Variants in SPIRE1 observed in about 807,000 individuals in gnomAD.
The protein encoded by SPIRE1 is spire type actin nucleation factor 1, also known as protein spire homolog 1.
SPIRE1 carries 40 observed loss-of-function variants against 94.1 expected under a neutral mutation model. That is an observed-to-expected ratio of 0.43 (90% confidence interval 0.33 to 0.55). The LOEUF is 0.55. Ranked by LOEUF, SPIRE1 falls within the 20% of genes least tolerant of loss-of-function variation. The pLI is 0.06. For synonymous variants in SPIRE1, 376 were observed against 371.7 expected, an observed-to-expected ratio of 1.01 and a Z score of -0.13; for missense variants, 838 against 975.2, an observed-to-expected ratio of 0.86 and a Z score of 1.87.
intron 2 of SPIRE1, among the ~76,000 whole-genome samples, chr18:12,618,257 A>G (rs2037368876): frequency 1.3e-5 from 2 of 151,988 alleles, no homozygotes; most frequent in African/African-American, 2.4e-5. Context: ...ACCTGCCACT[A>G]TGCCCGGCTA....
chr18:12,506,528 C>T lies in SPIRE1; in HGVS notation c.921G>A (p.Glu307=), dbSNP rs1414849465. The T allele has an allele frequency of 5.0e-6, 8 of 1,614,028 alleles. No homozygotes were observed. The highest frequency in any genetic ancestry group is 5.1e-6 in the Non-Finnish European group (6 of 1,179,930). Reference sequence around the variant, plus strand: ...TGCAGCGAATGTCATCCATTAACATCTCATAAGGGGTGAGCTGATATTCAA... The same window carrying T: ...TGCAGCGAATGTCATCCATTAACATTTCATAAGGGGTGAGCTGATATTCAA... ...LPIEYQLTPY[E]MLMDDIRCKR... The change falls in exon 6 of 17, where the codon GAG becomes GAA. Residue 307 remains glutamate, a synonymous_variant. Transcript: ENST00000409402.
chr18:12,552,640 G>A (rs2035385077), intron 2 of SPIRE1, among the ~76,000 whole-genome samples: 1 of 152,068 alleles, frequency 6.6e-6, no homozygotes, highest in South Asian at 2.1e-4. Context: ...CATAAAAAAA[G>A]CACTGTGAAG....
At chr18:12,577,877 T>C (rs1387674081) in intron 2 of SPIRE1, among the ~76,000 whole-genome samples, 2 of 151,992 alleles carry the variant, frequency 1.3e-5, no homozygotes, top group Non-Finnish European at 2.9e-5. Context: ...AGATAAACAA[T>C]CCAATAAAAA....
At chr18:12,604,913 G>A (rs1005276477) in intron 2 of SPIRE1, among the ~76,000 whole-genome samples, 2 of 152,128 alleles carry the variant, frequency 1.3e-5, no homozygotes, top group South Asian at 2.1e-4. Context: ...ATATGATCCA[G>A]CCTTCAAAAA....
intron 12 of SPIRE1, among the ~76,000 whole-genome samples, chr18:12,456,033 T>C (rs1390235481): frequency 6.6e-6 from 1 of 152,214 alleles, no homozygotes; most frequent in Non-Finnish European, 1.5e-5. Context: ...TTAAGGAAGA[T>C]TACATTTGCT....
At chr18:12,497,460 T>G (rs895676581) in intron 6 of SPIRE1, among the ~76,000 whole-genome samples, 15 of 152,214 alleles carry the variant, frequency 9.9e-5, no homozygotes, top group Non-Finnish European at 1.9e-4. Flanking sequence ...TCCTATGCCC[T>G]GTCCCTTCCC....
chr18:12,461,596 T>C lies in SPIRE1; in HGVS notation c.1638+1755A>G, dbSNP rs558038355. 3.2e-3 allele frequency among the ~76,000 whole-genome samples: 484 copies of C among 149,372 alleles called. 1 individual carries two copies. The highest frequency in any genetic ancestry group is 9.4e-3 in the African/African-American group (368 of 39,354). ...GTACATACATATGTATATACATACA[T>C]ACACACACATATACACACACATACA... On this transcript the variant is annotated intron_variant, in intron 12 of 16. Coordinates refer to ENST00000409402, the MANE Select transcript of SPIRE1 (RefSeq NM_001128626.2).
At chr18:12,600,863 A>C (rs2036814655) in intron 2 of SPIRE1, among the ~76,000 whole-genome samples, 1 of 99,160 alleles carries the variant, frequency 1.0e-5, no homozygotes, top group Non-Finnish European at 2.6e-5. Context: ...TACAAGGACC[A>C]CAGTGTACGC....
intron 1 of SPIRE1, among the ~76,000 whole-genome samples, chr18:12,652,261 C>T (rs141050383): frequency 6.6e-6 from 1 of 152,284 alleles, no homozygotes; most frequent in Non-Finnish European, 1.5e-5. Context: ...AATTGCTAGT[C>T]AGGTATACTT....
At chr18:12,602,157 T>C (rs896835073) in intron 2 of SPIRE1, among the ~76,000 whole-genome samples, 1 of 152,130 alleles carries the variant, frequency 6.6e-6, no homozygotes, top group African/African-American at 2.4e-5. Context: ...AAGGGCTGAG[T>C]TACTTTTTGT....
chr18:12,482,809 T>C (rs969166118), intron 9 of SPIRE1, among the ~76,000 whole-genome samples: 1 of 152,152 alleles, frequency 6.6e-6, no homozygotes, highest in Non-Finnish European at 1.5e-5. Context: ...AAAACATCTG[T>C]ACTAAATTCA....
intron 4 of SPIRE1, among the ~76,000 whole-genome samples, chr18:12,515,293 C>T (rs1000940957): frequency 4.0e-5 from 6 of 151,866 alleles, no homozygotes; most frequent in African/African-American, 1.5e-4. Flanking sequence ...GGCATGAGGA[C>T]TGCTTGAGGC....
At chr18:12,541,898 A>T (rs1567920684) in intron 3 of SPIRE1, among the ~76,000 whole-genome samples, 2 of 152,104 alleles carry the variant, frequency 1.3e-5, no homozygotes, top group Non-Finnish European at 2.9e-5. Context: ...CTTTGATAAT[A>T]TATTTTAGTT....
At chr18:12,585,743 G>C (rs2036377609) in intron 2 of SPIRE1, among the ~76,000 whole-genome samples, 1 of 152,118 alleles carries the variant, frequency 6.6e-6, no homozygotes, top group Non-Finnish European at 1.5e-5. Flanking sequence ...GTTGCAAAAT[G>C]CTAAGTAAAC....
intron 2 of SPIRE1, among the ~76,000 whole-genome samples, chr18:12,579,498 G>GGAATTCCCACT (rs932358184): frequency 6.6e-6 from 1 of 152,120 alleles, no homozygotes; most frequent in African/African-American, 2.4e-5. Flanking sequence ...AAGGGGACTG[G>GGAATTCCCACT]GAATTCCCAC....
chr18:12,459,706 A>C, intron 12 of SPIRE1: 7 of 962,582 alleles, frequency 7.3e-6, no homozygotes, highest in Non-Finnish European at 8.7e-6. Context: ...TGTCACCGTC[A>C]GAGATACAGA....
chr18:12,567,124 T>C (rs1349741759), intron 2 of SPIRE1, among the ~76,000 whole-genome samples: 1 of 152,092 alleles, frequency 6.6e-6, no homozygotes, highest in Admixed American at 6.6e-5. Context: ...TATAGCAAGG[T>C]TGCAGGATAC....
At chr18:12,569,496 T>TG (rs1266000088) in intron 2 of SPIRE1, among the ~76,000 whole-genome samples, 3 of 152,112 alleles carry the variant, frequency 2.0e-5, no homozygotes, top group Admixed American at 6.5e-5. Context: ...CATCTTGAAT[T>TG]GGAGACAAGG....
chr18:12,622,484 G>A (rs1190329669), intron 2 of SPIRE1, among the ~76,000 whole-genome samples: 2 of 145,898 alleles, frequency 1.4e-5, no homozygotes, highest in Non-Finnish European at 3.0e-5. Flanking sequence ...GTGCAGTGGC[G>A]CGATCTTGGC....
Sources: gnomAD v4.1 joint callset for allele counts (sites outside exome capture counted in the v4.1 genomes callset) on GRCh38, gnomAD v4.1.1 for gene constraint, MANE v1.5 for transcripts, NCBI Gene and HGNC (gene_info 2026-07-23, HGNC 2026-07-21) for gene names.